NXT1: variants seen among roughly 807,000 people sequenced by gnomAD.
The protein encoded by NXT1 is nuclear transport factor 2 like export factor 1.
A neutral mutation model predicts 9.9 loss-of-function variants in NXT1; 3 were observed. That is an observed-to-expected ratio of 0.30 (90% confidence interval 0.14 to 0.79). The LOEUF (loss-of-function observed/expected upper bound fraction) is 0.79. NXT1 is among the 30% of genes least tolerant of loss of function. NXT1 has a pLI of 0.63. For synonymous variants in NXT1, 53 were observed against 66.5 expected (o/e 0.80, Z 0.99); for missense variants, 91 against 178.2 (o/e 0.51, Z 2.79).
In NXT1 at chr20:23,354,379, T is replaced by G; in HGVS notation, c.338T>G (p.Phe113Cys). 1 of 1,614,194 alleles carries G rather than the reference T, an allele frequency of 6.2e-7. No individual in the cohort carries two copies. Among genetic ancestry groups the G allele is most frequent in the Non-Finnish European group, 8.5e-7 (1 of 1,180,032 alleles). Residue 113 changes from phenylalanine to cysteine, a missense_variant, in exon 2 of 2, where the codon TTC becomes TGC. By Grantham distance (205) the Phe-to-Cys change is radical. Coordinates refer to ENST00000254998, the MANE Select transcript of NXT1 (RefSeq NM_013248.3). ...GNKQRDFNQNFILTAQASPSN... is the reference protein window; with the variant it reads ...GNKQRDFNQNCILTAQASPSN... ...AAACAACGGGACTTCAACCAGAACT[T>G]CATCCTGACCGCCCAGGCCTCACCC...
chr20:23,352,677 A>G (rs1011315110), intron 1 of NXT1, among the ~76,000 whole-genome samples: 7 of 152,212 alleles, frequency 4.6e-5, no homozygotes, highest in African/African-American at 1.7e-4. Context: ...TGTACCCTGA[A>G]AAAAGTAAAT....
chr20:23,354,101 T>C lies in NXT1; in HGVS notation c.60T>C (p.Phe20=). The C allele has an allele frequency of 6.2e-7, 1 of 1,614,166 alleles. No homozygotes were observed. The highest frequency in any genetic ancestry group is 8.5e-7 in the Non-Finnish European group (1 of 1,180,030). Residue 20 remains phenylalanine (F), a synonymous_variant, in exon 2 of 2, where the codon TTT becomes TTC. Coordinates refer to ENST00000254998, the MANE Select transcript of NXT1 (RefSeq NM_013248.3). ...AGGCCTGCAGAGCTGCTGAGGAGTT[T>C]GTCAATGTCTACTACACCACCATGG... is the stretch of plus-strand genomic sequence containing the variant. ...VDQACRAAEE[F]VNVYYTTMDK...
At chr20:23,353,332 C>T (rs552064093) in intron 1 of NXT1, among the ~76,000 whole-genome samples, 1 of 152,304 alleles carries the variant, frequency 6.6e-6, no homozygotes, top group African/African-American at 2.4e-5. Context: ...TATAAAATGG[C>T]GTTAAGGCCG....
chr20:23,353,323 A>G (rs1980322757), intron 1 of NXT1, among the ~76,000 whole-genome samples: 1 of 152,200 alleles, frequency 6.6e-6, no homozygotes, highest in Non-Finnish European at 1.5e-5. Flanking sequence ...AGTCCTTGAT[A>G]TAAAATGGCG....
Position 23,354,260 on chromosome 20 carries a change from C to T in NXT1, c.219C>T (p.Ser73=), listed in dbSNP as rs563547871. The change falls in exon 2 of 2, where the codon AGC becomes AGT. Residue 73 remains serine, a synonymous_variant. Transcript: ENST00000254998. ...EMLPSSEFQI[S]VVDCQPVHDE... is the part of the protein sequence containing the mutation. Reference sequence around the variant, plus strand: ...TGCCTTCCAGCGAGTTCCAAATCAGCGTGGTAGACTGCCAGCCTGTTCATG... The same window carrying T: ...TGCCTTCCAGCGAGTTCCAAATCAGTGTGGTAGACTGCCAGCCTGTTCATG... The T allele has an allele frequency of 1.4e-5, 23 of 1,614,178 alleles. No individual in the cohort carries two copies. Among genetic ancestry groups the T allele is most frequent in the South Asian group, 1.2e-4 (11 of 91,090 alleles).
chr20:23,352,277 A>G (rs1402486674), intron 1 of NXT1, among the ~76,000 whole-genome samples: 1 of 152,212 alleles, frequency 6.6e-6, no homozygotes, highest in Non-Finnish European at 1.5e-5. Context: ...TTCCTCACAG[A>G]TACCGAGGGA....
At chr20:23,352,140 TAA>T (rs1980283780) in intron 1 of NXT1, among the ~76,000 whole-genome samples, 1 of 152,226 alleles carries the variant, frequency 6.6e-6, no homozygotes, top group African/African-American at 2.4e-5. Context: ...TTAGGTATTA[TAA>T]GTTACCTACA....
At chr20:23,351,128 C>T (rs1213483204) in intron 1 of NXT1, 67 bp downstream of exon 1, 7 of 152,306 alleles carry the variant, frequency 4.6e-5, no homozygotes, top group Middle Eastern at 3.4e-3. Context: ...ACGCCCTCCT[C>T]CATTGTCGAG....
intron 1 of NXT1, among the ~76,000 whole-genome samples, chr20:23,352,094 C>T (rs939445118): frequency 2.6e-5 from 4 of 151,986 alleles, no homozygotes; most frequent in Admixed American, 1.3e-4. Flanking sequence ...CTAAACTATA[C>T]AGTATAACAA....
chr20:23,354,500 C>G lies in NXT1; in HGVS notation c.*36C>G. The G allele has an allele frequency of 6.3e-7, 1 of 1,584,428 alleles. No homozygotes were observed. Among genetic ancestry groups the G allele is most frequent in the African/African-American group, 1.3e-5 (1 of 74,310 alleles). ...AGAGGTCTCTTTGCTTCATTCAGCCCTAGCTCTGTAGAGAAATGCAAACCT... is the reference window on the plus strand; with the variant it reads ...AGAGGTCTCTTTGCTTCATTCAGCCGTAGCTCTGTAGAGAAATGCAAACCT... On this transcript the variant is annotated 3_prime_UTR_variant, in exon 2 of 2. Coordinates refer to ENST00000254998, the MANE Select transcript of NXT1 (RefSeq NM_013248.3).
chr20:23,351,491 C>T (rs1371866785), intron 1 of NXT1: 2 of 152,236 alleles, frequency 1.3e-5, no homozygotes, highest in African/African-American at 2.4e-5. Context: ...CTGACGACCT[C>T]ATAGGTAGCT....
intron 1 of NXT1, chr20:23,351,327 C>A (rs931748651): frequency 6.6e-6 from 1 of 152,288 alleles, no homozygotes; most frequent in Non-Finnish European, 1.5e-5. Context: ...AAAGGCGACT[C>A]ACAGGAAATA....
rs1980341000 is a variant in NXT1 at position 23,354,015 on chromosome 20, T to G, written c.-27T>G. On this transcript the variant is annotated 5_prime_UTR_variant, in exon 2 of 2. Transcript: ENST00000254998. ...CCCCAAGGCAGAGGAAATACCCTGG[T>G]GGAGCCCTCCTTCCATAGAACCAGA... 1 of 1,599,980 alleles carries G rather than the reference T, an allele frequency of 6.3e-7. No homozygotes were observed. Among genetic ancestry groups the G allele is most frequent in the African/African-American group, 1.3e-5 (1 of 74,658 alleles).
At chr20:23,351,199 C>T (rs1452975408) in intron 1 of NXT1, 138 bp downstream of exon 1, 3 of 152,342 alleles carry the variant, frequency 2.0e-5, no homozygotes, top group Non-Finnish European at 2.9e-5. Flanking sequence ...GAGGCTCTCG[C>T]CTGTGCAAAA....
intron 1 of NXT1, among the ~76,000 whole-genome samples, chr20:23,352,584 G>C (rs1352262666): frequency 1.3e-5 from 2 of 151,614 alleles, no homozygotes; most frequent in African/African-American, 2.4e-5. Flanking sequence ...AACTATTTTA[G>C]TAATGTCCTC....
At chr20:23,353,228 G>A (rs527808175) in intron 1 of NXT1, among the ~76,000 whole-genome samples, 1 of 152,284 alleles carries the variant, frequency 6.6e-6, no homozygotes, top group Admixed American at 6.5e-5. Flanking sequence ...AAAAATTCGT[G>A]GTCCAATCAG....
rs1703850400 is a variant in NXT1 at position 23,354,413 on chromosome 20, A to G, written c.372A>G (p.Thr124=). The G allele has an allele frequency of 1.9e-6, 3 of 1,614,042 alleles. No individual in the cohort carries two copies. Among genetic ancestry groups the G allele is most frequent in the African/African-American group, 1.3e-5 (1 of 74,926 alleles). The change falls in exon 2 of 2, where the codon ACA becomes ACG. Residue 124 remains threonine, a synonymous_variant. Transcript: ENST00000254998. ...CCGCCCAGGCCTCACCCAGCAACAC[A>G]GTGTGGAAGATCGCAAGTGACTGCT... ...ILTAQASPSN[T]VWKIASDCFR... is the part of the protein sequence containing the mutation.
rs1450962115 is a variant in NXT1 at position 23,354,511 on chromosome 20, G to C, written c.*47G>C. The C allele has an allele frequency of 1.9e-6, 3 of 1,563,272 alleles. No homozygotes were observed. In the African/African-American group the frequency reaches 4.1e-5, roughly 21 times the overall value. ...TGCTTCATTCAGCCCTAGCTCTGTA[G>C]AGAAATGCAAACCTCGACTCTCAAG... On this transcript the variant is annotated 3_prime_UTR_variant, in exon 2 of 2. Transcript: ENST00000254998.
At position 23,354,307 on chromosome 20, in the gene NXT1, C is replaced by G. The variant is rs1202371183; in HGVS notation, c.266C>G (p.Thr89Ser). 1 of 1,614,088 alleles carries G rather than the reference C, an allele frequency of 6.2e-7. No individual in the cohort carries two copies. Among genetic ancestry groups the G allele is most frequent in the Non-Finnish European group, 8.5e-7 (1 of 1,180,050 alleles). The change falls in exon 2 of 2, where the codon ACC becomes AGC. Residue 89 changes from threonine to serine, a missense_variant. Physicochemically the swap from Thr to Ser is moderately conservative, Grantham distance 58. Transcript: ENST00000254998. ...PVHDEATPSQ[T>S]TVLVVICGSV... Reference sequence around the variant, plus strand: ...CATGATGAAGCCACACCAAGCCAGACCACGGTCCTTGTTGTCATCTGTGGA... The same window carrying G: ...CATGATGAAGCCACACCAAGCCAGAGCACGGTCCTTGTTGTCATCTGTGGA...
Sources: allele counts gnomAD v4.1 joint callset (sites outside exome capture counted in the v4.1 genomes callset), GRCh38; gene constraint gnomAD v4.1.1; transcripts MANE v1.5; gene names NCBI Gene and HGNC (gene_info 2026-07-23, HGNC 2026-07-21).